GPC3: variants seen among roughly 807,000 people sequenced by gnomAD.
GPC3 encodes the protein glypican-3.
In GPC3, 3 loss-of-function variants were observed where a neutral mutation model predicts 34.4. The ratio of observed to expected loss-of-function variants is 0.09; its 90% CI spans 0.04 to 0.23. The LOEUF (loss-of-function observed/expected upper bound fraction) is 0.23, where lower values mean the gene tolerates loss of function less well. Ranked by LOEUF, GPC3 falls within the 10% of genes least tolerant of loss-of-function variation. GPC3 has a pLI of 1.00. For missense variants in GPC3, 351 were observed against 445.6 expected, an observed-to-expected ratio of 0.79 and a Z score of 1.91; for synonymous variants, 177 against 174.0, an observed-to-expected ratio of 1.02 and a Z score of -0.13.
In GPC3 at chrX:133,801,974, C is replaced by T. The variant is rs778974853; in HGVS notation, c.338-47798G>A. ...AATGCAACTGAGAAACAGAAATGGG[C>T]CTGGGGAAGAAAAAAACAAAACCTT... is the stretch of plus-strand genomic sequence containing the variant. On this transcript the variant is annotated intron_variant, in intron 2 of 7. Coordinates refer to ENST00000370818, the MANE Select transcript of GPC3 (RefSeq NM_004484.4). 3.6e-5 allele frequency among the ~76,000 whole-genome samples: 4 copies of T among 111,604 alleles called. No homozygotes were observed. In the Admixed American group the frequency reaches 3.8e-4, roughly 11 times the overall value.
At chrX:133,563,682 C>A (rs916676771) in intron 7 of GPC3, among the ~76,000 whole-genome samples, 1 of 111,817 alleles carries the variant, frequency 8.9e-6, no homozygotes, top group African/African-American at 3.2e-5. Context: ...GCACATGGAG[C>A]ATTTCTGAGA....
intron 6 of GPC3, among the ~76,000 whole-genome samples, chrX:133,622,335 A>C (rs997649495): frequency 8.9e-6 from 1 of 112,385 alleles, no homozygotes. Context: ...AGAAGGCTTC[A>C]GATGATCGGT....
intron 2 of GPC3, among the ~76,000 whole-genome samples, chrX:133,940,015 G>T (rs1398794109): frequency 9.0e-6 from 1 of 111,213 alleles, no homozygotes; most frequent in Non-Finnish European, 1.9e-5. Flanking sequence ...GATTGTGTTT[G>T]TCAGGGTAGC....
intron 7 of GPC3, among the ~76,000 whole-genome samples, chrX:133,558,730 A>G (rs1157558877): frequency 9.2e-6 from 1 of 108,834 alleles, no homozygotes; most frequent in Admixed American, 1.0e-4. Context: ...GTCTCTACTA[A>G]AAATACAAAA....
intron 6 of GPC3, among the ~76,000 whole-genome samples, chrX:133,617,973 A>G (rs1206969847): frequency 8.9e-6 from 1 of 112,040 alleles, no homozygotes; most frequent in Non-Finnish European, 1.9e-5. Context: ...AAACATTTTG[A>G]AAATACTAAA....
At chrX:133,768,902 T>C (rs2071882299) in intron 2 of GPC3, among the ~76,000 whole-genome samples, 1 of 109,422 alleles carries the variant, frequency 9.1e-6, no homozygotes, top group African/African-American at 3.4e-5. Context: ...ATTGAGCCAC[T>C]GCACTCCAGC....
intron 7 of GPC3, among the ~76,000 whole-genome samples, chrX:133,564,129 G>A (rs187623158): frequency 5.8e-4 from 65 of 111,453 alleles, no homozygotes; most frequent in Non-Finnish European, 1.1e-3. Context: ...TAAGAGAGAG[G>A]AGAGATGGAT....
rs191648940 is a variant in GPC3, at chrX:133,856,975, T to C, written c.337+96075A>G. Among the ~76,000 whole-genome samples the C allele has an allele frequency of 4.8e-4, 54 of 112,161 alleles. 2 individuals are homozygous for C. The Middle Eastern group carries it at 0.055, about 114-fold the overall frequency. ...TACTGTGATGGTAAATGTGATAGCA[T>C]TGGTGAAAGGCTTTGAACTCAGGAA... On this transcript the variant is annotated intron_variant, in intron 2 of 7. Coordinates refer to ENST00000370818, the MANE Select transcript of GPC3 (RefSeq NM_004484.4).
chrX:133,683,833 A>G (rs2070969775), intron 5 of GPC3, among the ~76,000 whole-genome samples: 1 of 112,046 alleles, frequency 8.9e-6, no homozygotes. Flanking sequence ...TATTGCCACG[A>G]GAGTATGTCC....
chrX:133,973,466 G>C (rs995216116), intron 1 of GPC3, among the ~76,000 whole-genome samples: 2 of 112,361 alleles, frequency 1.8e-5, no homozygotes, highest in African/African-American at 6.5e-5. Flanking sequence ...ATCTTCCCTC[G>C]TGGTCCTTCT....
chrX:133,839,883 A>G (rs1042708002), intron 2 of GPC3, among the ~76,000 whole-genome samples: 1 of 99,921 alleles, frequency 1.0e-5, no homozygotes. Context: ...AGCCGAGATC[A>G]CGCCACTGCA....
chrX:133,545,049 G>A (rs2069371502), intron 7 of GPC3, among the ~76,000 whole-genome samples: 1 of 111,504 alleles, frequency 9.0e-6, no homozygotes, highest in Non-Finnish European at 1.9e-5. Flanking sequence ...CACAGAGATC[G>A]AAGCTCATCA....
intron 2 of GPC3, among the ~76,000 whole-genome samples, chrX:133,901,653 A>G (rs2076144599): frequency 9.1e-6 from 1 of 110,247 alleles, no homozygotes; most frequent in African/African-American, 3.3e-5. Context: ...GTTGGCCAGG[A>G]TGGTCTCAAT....
intron 2 of GPC3, among the ~76,000 whole-genome samples, chrX:133,800,193 G>T (rs1055245213): frequency 8.9e-6 from 1 of 112,061 alleles, no homozygotes. Context: ...CAAATTCAGC[G>T]TTTGCGTCCG....
At chrX:133,654,939 T>C (rs765119956) in intron 6 of GPC3, among the ~76,000 whole-genome samples, 62 of 111,639 alleles carry the variant, frequency 5.6e-4, no homozygotes, top group Non-Finnish European at 1.1e-3. Context: ...AATACAATAA[T>C]GTAATCAGAA....
chrX:133,595,943 T>C (rs1432554097), intron 7 of GPC3, among the ~76,000 whole-genome samples: 11 of 112,181 alleles, frequency 9.8e-5, no homozygotes, highest in African/African-American at 2.9e-4. Flanking sequence ...CTTTGAAAGT[T>C]ATCTCACCAG....
At chrX:133,814,625 T>TGATCTCGGCTCACTGCAAC (rs2075680956) in intron 2 of GPC3, among the ~76,000 whole-genome samples, 1 of 110,981 alleles carries the variant, frequency 9.0e-6, no homozygotes, top group Non-Finnish European at 1.9e-5. Context: ...TGGAGTGCAA[T>TGATCTCGGCTCACTGCAAC]GGCGTGATCT....
At chrX:133,950,062 TA>T (rs1307898715) in intron 2 of GPC3, among the ~76,000 whole-genome samples, 1 of 111,694 alleles carries the variant, frequency 9.0e-6, no homozygotes, top group Non-Finnish European at 1.9e-5. Flanking sequence ...TATTATAAGG[TA>T]GGGGAGAAGA....
intron 2 of GPC3, among the ~76,000 whole-genome samples, chrX:133,906,873 TCGAGACCATCCTGGCTAACA>T (rs1014513778): frequency 1.4e-4 from 16 of 111,277 alleles, no homozygotes; most frequent in African/African-American, 4.6e-4. Flanking sequence ...GGTCAGGAGA[TCGAGACCATCCTGGCTAACA>T]CGAGACCATC....
Sources: gnomAD v4.1 joint callset for allele counts (sites outside exome capture counted in the v4.1 genomes callset) on GRCh38, gnomAD v4.1.1 for gene constraint, MANE v1.5 for transcripts, NCBI Gene and HGNC (gene_info 2026-07-23, HGNC 2026-07-21) for gene names.